MGRN1: variants seen among roughly 807,000 people sequenced by gnomAD.
MGRN1 encodes the protein mahogunin ring finger 1, also known as E3 ubiquitin-protein ligase MGRN1.
Under a neutral mutation model 69.2 loss-of-function variants are expected in MGRN1, and 29 were observed. That is an observed-to-expected ratio of 0.42 (90% confidence interval 0.31 to 0.57). MGRN1 has a LOEUF of 0.57. MGRN1 is among the 20% of genes least tolerant of loss of function. MGRN1 has a pLI of 0.15. For missense variants in MGRN1, 998 were observed against 796.2 expected (o/e 1.25, Z -3.05); for synonymous variants, 470 against 344.2 (o/e 1.37, Z -4.04).
chr16:4,660,778 CAG>C (rs75130634), intron 5 of MGRN1, among the ~76,000 whole-genome samples: 57,438 of 151,880 alleles, frequency 0.38, 12,197 homozygotes, highest in East Asian at 0.56. Flanking sequence ...TGTGTGGACT[CAG>C]TGGAGTGGGC....
intron 1 of MGRN1, among the ~76,000 whole-genome samples, 184 bp downstream of exon 1, chr16:4,625,232 C>CCCGGGGCCTGCTA (rs1263159142): frequency 5.9e-5 from 9 of 152,174 alleles, no homozygotes; most frequent in African/African-American, 2.2e-4. Flanking sequence ...CCCGGAGGAA[C>CCCGGGGCCTGCTA]CTGCCCGAGC....
At chr16:4,643,554 A>G (rs1321062972) in intron 1 of MGRN1, among the ~76,000 whole-genome samples, 2 of 151,426 alleles carry the variant, frequency 1.3e-5, no homozygotes, top group Non-Finnish European at 2.9e-5. Context: ...TGTATTTTTT[A>G]GTAGAGACGG....
chr16:4,679,037 G>A (rs560338894), intron 11 of MGRN1, among the ~76,000 whole-genome samples: 10 of 152,326 alleles, frequency 6.6e-5, no homozygotes, highest in African/African-American at 1.9e-4. Flanking sequence ...ACATGGCTTG[G>A]GGGTCCCTGT....
At chr16:4,659,585 G>C (rs1426824215) in intron 5 of MGRN1, among the ~76,000 whole-genome samples, 1 of 152,250 alleles carries the variant, frequency 6.6e-6, no homozygotes, top group Non-Finnish European at 1.5e-5. Context: ...CCGCCAGGGG[G>C]CCTTTGGTGA....
At chr16:4,687,524 A>ACGGGGGGG in intron 16 of MGRN1, 2 of 980,848 alleles carry the variant, frequency 2.0e-6, no homozygotes, top group African/African-American at 3.6e-5. Flanking sequence ...AAAAAAATAC[A>ACGGGGGGG]CACACACCCA....
At chr16:4,628,569 G>C (rs1057326583) in intron 1 of MGRN1, among the ~76,000 whole-genome samples, 2 of 152,036 alleles carry the variant, frequency 1.3e-5, no homozygotes, top group Non-Finnish European at 2.9e-5. Context: ...CTTTGAGATG[G>C]AGTGTTGCTC....
At position 4,673,513 on chromosome 16, in the gene MGRN1, A is replaced by T. The variant is rs1374027200; in HGVS notation, c.811A>T (p.Asn271Tyr). 2 of 1,613,092 alleles carry T rather than the reference A, an allele frequency of 1.2e-6. No individual in the cohort carries two copies. The highest frequency in any genetic ancestry group is 1.3e-5 in the African/African-American group (1 of 74,898). Residue 271 changes from asparagine (N) to tyrosine (Y), a missense_variant, in exon 10 of 17, where the codon AAC (asparagine) becomes TAC (tyrosine). Asn to Tyr is a moderately radical substitution (Grantham distance 143). Transcript: ENST00000262370. ...NQETKPSDDE[N>Y]SDNSNECVVC... Reference sequence around the variant, plus strand: ...GTCCCGGCAGCCCTCGGACGACGAGAACAGCGACAACAGCAACGAGTGTGT... The same window carrying T: ...GTCCCGGCAGCCCTCGGACGACGAGTACAGCGACAACAGCAACGAGTGTGT...
chr16:4,669,010 A>T (rs1233247552), intron 8 of MGRN1: 2 of 61,006 alleles, frequency 3.3e-5, no homozygotes, highest in Non-Finnish European at 9.1e-5. Flanking sequence ...ACTCACATAG[A>T]CACACACACA....
intron 7 of MGRN1, among the ~76,000 whole-genome samples, chr16:4,666,996 CCTCGGTGG>C (rs2078819762): frequency 6.6e-6 from 1 of 152,174 alleles, no homozygotes; most frequent in Non-Finnish European, 1.5e-5. Flanking sequence ...TGCCTTGGTG[CCTCGGTGG>C]CCCCGCCCCC....
At chr16:4,657,771 A>G (rs1378117069) in intron 5 of MGRN1, among the ~76,000 whole-genome samples, 1 of 107,760 alleles carries the variant, frequency 9.3e-6, no homozygotes, top group African/African-American at 3.7e-5. Context: ...TTTTTGAGAC[A>G]GTCTCGCTCT....
At chr16:4,681,480 C>A in intron 12 of MGRN1, 70 bp from the exon 13 acceptor site, 6 of 1,430,898 alleles carry the variant, frequency 4.2e-6, no homozygotes, top group Non-Finnish European at 5.8e-6. Flanking sequence ...GACAGGAGGT[C>A]ATCAGGAGGA....
chr16:4,684,660 G>A lies in MGRN1; in HGVS notation c.1618+728G>A, dbSNP rs1250209312. Among the ~76,000 whole-genome samples the A allele has an allele frequency of 5.3e-5, 8 of 152,370 alleles. No homozygotes were observed. The East Asian group carries it at 5.8e-4, about 11-fold the overall frequency. ...CAGACCCCATCAGCCAAGCACCTTC[G>A]TGCTCTGCTCTGCTGGGATAAGATC... is the stretch of plus-strand genomic sequence containing the variant. On this transcript the variant is annotated intron_variant, in intron 16 of 16. Transcript: ENST00000262370.
rs550311166 is a variant in MGRN1 at position 4,671,265 on chromosome 16, G to A, written c.727-126G>A. On this transcript the variant is annotated intron_variant, in intron 8 of 16. Transcript: ENST00000262370. ...CCTGCCCTTCTCCTGGCCCCCAGGGGTTGAGCTGGACTGACCCCTGGTATG... is the reference window on the plus strand; with the variant it reads ...CCTGCCCTTCTCCTGGCCCCCAGGGATTGAGCTGGACTGACCCCTGGTATG... 2,820 of 848,520 alleles carry A rather than the reference G, an allele frequency of 3.3e-3. 9 individuals are homozygous for A. Among genetic ancestry groups the A allele is most frequent in the Non-Finnish European group, 4.5e-3 (2,335 of 522,768 alleles). The allele number at this position is 848,520 out of a possible 1,614,324, so 52.6% of individuals were successfully genotyped here.
intron 7 of MGRN1, among the ~76,000 whole-genome samples, chr16:4,666,138 C>G (rs1480446668): frequency 6.6e-6 from 1 of 151,098 alleles, no homozygotes; most frequent in African/African-American, 2.4e-5. Context: ...CATCTCTTTT[C>G]TTTTTTTTAA....
chr16:4,637,878 G>T (rs1596262461), intron 1 of MGRN1, among the ~76,000 whole-genome samples: 2 of 152,226 alleles, frequency 1.3e-5, no homozygotes, highest in African/African-American at 4.8e-5. Context: ...CCCTGAGGGT[G>T]GTGGAGGCTG....
At chr16:4,663,851 G>A (rs943010148) in intron 5 of MGRN1, among the ~76,000 whole-genome samples, 29 of 152,238 alleles carry the variant, frequency 1.9e-4, no homozygotes, top group Admixed American at 5.9e-4. Flanking sequence ...GGGGAAGAGG[G>A]TGGCCTTCAG....
intron 2 of MGRN1, chr16:4,650,728 A>T (rs1230565995): frequency 7.8e-6 from 3 of 386,226 alleles, no homozygotes; most frequent in Non-Finnish European, 1.4e-5. Flanking sequence ...AGCCATACTG[A>T]ATGGGTGCGT....
At chr16:4,669,661 G>T (rs2078895975) in intron 8 of MGRN1, among the ~76,000 whole-genome samples, 1 of 152,218 alleles carries the variant, frequency 6.6e-6, no homozygotes, top group Non-Finnish European at 1.5e-5. Flanking sequence ...AAAGAGACCA[G>T]AAACAAAGTC....
intron 5 of MGRN1, among the ~76,000 whole-genome samples, chr16:4,662,853 G>C (rs2078713618): frequency 6.6e-6 from 1 of 152,186 alleles, no homozygotes; most frequent in Admixed American, 6.5e-5. Context: ...TTGGCTGCGG[G>C]CTCAGGGTTC....
Sources: gnomAD v4.1 joint callset for allele counts (sites outside exome capture counted in the v4.1 genomes callset) on GRCh38, gnomAD v4.1.1 for gene constraint, MANE v1.5 for transcripts, NCBI Gene and HGNC (gene_info 2026-07-23, HGNC 2026-07-21) for gene names.